The following UGT1A9 variants were observed in gnomAD, a reference collection of about 807,000 sequenced individuals.
UGT1A9 encodes the protein UDP-glucuronosyltransferase 1A9.
Under a neutral mutation model 45.0 loss-of-function variants are expected in UGT1A9, and 35 were observed. The ratio of observed to expected loss-of-function variants is 0.78; its 90% CI spans 0.59 to 1.03. UGT1A9 has a LOEUF of 1.03. Among genes scored for constraint, UGT1A9 ranks in the 50% least tolerant of loss-of-function variants. The pLI, the probability that UGT1A9 is intolerant of heterozygous loss-of-function variation, is 0.00. For synonymous variants in UGT1A9, 278 were observed against 250.6 expected, an observed-to-expected ratio of 1.11 and a Z score of -1.03; for missense variants, 687 against 666.6, an observed-to-expected ratio of 1.03 and a Z score of -0.34.
chr2:233,757,438 T>C (rs528123504), intron 1 of UGT1A9, among the ~76,000 whole-genome samples: 24 of 151,360 alleles, frequency 1.6e-4, no homozygotes, highest in African/African-American at 5.8e-4. Flanking sequence ...AAGTCACTTC[T>C]ATACAGAAAC....
intron 1 of UGT1A9, among the ~76,000 whole-genome samples, chr2:233,680,979 AG>A (rs2074504843): frequency 6.6e-6 from 1 of 152,056 alleles, no homozygotes; most frequent in Non-Finnish European, 1.5e-5. Flanking sequence ...CCATGGAGGC[AG>A]GGTTGTCAAT....
At position 233,725,275 on chromosome 2, in the gene UGT1A9, CAGAGGCAGAG is replaced by C. The variant is rs2077421204; in HGVS notation, c.856-41758_856-41749del. On this transcript the variant is annotated intron_variant, in intron 1 of 4. Coordinates refer to ENST00000354728, the MANE Select transcript of UGT1A9 (RefSeq NM_021027.3). ...GAGGCAGAGGCAGAGGAGGCAGAGG[CAGAGGCAGAG>C]GCAGAGGCAGAGGCAGAGGCAGAGG... 7.5e-5 allele frequency among the ~76,000 whole-genome samples: 2 copies of C among 26,790 alleles called. 1 individual carries two copies. Among genetic ancestry groups the C allele is most frequent in the Admixed American group, 6.8e-4 (2 of 2,920 alleles). The allele number at this position is 26,790 out of a possible 152,430, so 17.6% of individuals were successfully genotyped here.
At chr2:233,754,805 AG>A (rs755746097) in intron 1 of UGT1A9, 241 of 1,294,792 alleles carry the variant, frequency 1.9e-4, no homozygotes, top group Non-Finnish European at 2.3e-4. Context: ...TATCAAAAGA[AG>A]AAAAACCACC....
At position 233,685,535 on chromosome 2, in the gene UGT1A9, G is replaced by A. The variant is rs578097287; in HGVS notation, c.855+12746G>A. On this transcript the variant is annotated intron_variant, in intron 1 of 4. Transcript: ENST00000354728. ...GATCTATGCTTTCCCCATTGCTCTCGCATTCTGTTTTTGATCCAAATTCAA... is the reference window on the plus strand; with the variant it reads ...GATCTATGCTTTCCCCATTGCTCTCACATTCTGTTTTTGATCCAAATTCAA... Among the ~76,000 whole-genome samples the A allele has an allele frequency of 4.6e-5, 7 of 152,264 alleles. No individual in the cohort carries two copies. The East Asian group carries it at 1.2e-3, about 25-fold the overall frequency.
chr2:233,699,099 T>A (rs1370746002), intron 1 of UGT1A9, among the ~76,000 whole-genome samples: 1 of 152,204 alleles, frequency 6.6e-6, no homozygotes, highest in Non-Finnish European at 1.5e-5. Context: ...GTGCACCTCA[T>A]CACCTGCCCC....
At chr2:233,750,124 G>C (rs1694369237) in intron 1 of UGT1A9, among the ~76,000 whole-genome samples, 1 of 151,918 alleles carries the variant, frequency 6.6e-6, no homozygotes, top group South Asian at 2.1e-4. Context: ...GAAGATGTGG[G>C]AAAGTTTGGA....
At chr2:233,676,801 T>G (rs2074372040) in intron 1 of UGT1A9, among the ~76,000 whole-genome samples, 1 of 152,192 alleles carries the variant, frequency 6.6e-6, no homozygotes, top group Non-Finnish European at 1.5e-5. Flanking sequence ...CTTGTTTTCT[T>G]GCGTGTGAAT....
chr2:233,728,584 C>T (rs553325629), intron 1 of UGT1A9, among the ~76,000 whole-genome samples: 5 of 152,182 alleles, frequency 3.3e-5, no homozygotes, highest in Non-Finnish European at 7.3e-5. Flanking sequence ...GAAAAACGAC[C>T]AAAACCACAT....
At chr2:233,706,797 A>G (rs952386355) in intron 1 of UGT1A9, among the ~76,000 whole-genome samples, 9 of 152,160 alleles carry the variant, frequency 5.9e-5, no homozygotes, top group African/African-American at 1.9e-4. Context: ...CCATGCACCA[A>G]TTAGGTTGGG....
intron 1 of UGT1A9, among the ~76,000 whole-genome samples, chr2:233,711,893 G>C (rs2076203137): frequency 6.6e-6 from 1 of 152,200 alleles, no homozygotes; most frequent in South Asian, 2.1e-4. Flanking sequence ...CGAGTCTCAT[G>C]GGCGTGAGAC....
At chr2:233,712,073 A>G (rs2076213454) in intron 1 of UGT1A9, among the ~76,000 whole-genome samples, 2 of 152,256 alleles carry the variant, frequency 1.3e-5, no homozygotes, top group African/African-American at 4.8e-5. Context: ...TCAGGATGAA[A>G]TAAAGGCCTG....
chr2:233,733,931 G>A (rs1209244784), intron 1 of UGT1A9, among the ~76,000 whole-genome samples: 1 of 151,624 alleles, frequency 6.6e-6, no homozygotes, highest in Non-Finnish European at 1.5e-5. Flanking sequence ...TGAGGAAGGG[G>A]AACATCACAT....
intron 1 of UGT1A9, 61 bp from the exon 2 acceptor site, chr2:233,766,972 CT>C: frequency 6.2e-7 from 1 of 1,611,258 alleles, no homozygotes; most frequent in Non-Finnish European, 8.5e-7. Context: ...TCATAACTTA[CT>C]GTATGTAGTC....
chr2:233,699,626 T>C (rs2075516082), intron 1 of UGT1A9, among the ~76,000 whole-genome samples: 1 of 152,224 alleles, frequency 6.6e-6, no homozygotes, highest in African/African-American at 2.4e-5. Context: ...GAATGCAAGC[T>C]CAGGCCTAGA....
Position 233,767,048 on chromosome 2 carries a change from C to T in UGT1A9, c.870C>T (p.Tyr290=), listed in dbSNP as rs1206098754. Residue 290 remains tyrosine (Y), a synonymous_variant, in exon 2 of 5, where the codon TAC becomes TAT. Transcript: ENST00000354728. ...TCTGGCTCTAGGAATTTGAAGCCTACATTAATGCTTCTGGAGAACATGGAA... is the reference window on the plus strand; with the variant it reads ...TCTGGCTCTAGGAATTTGAAGCCTATATTAATGCTTCTGGAGAACATGGAA... ...GKPLPMEFEA[Y]INASGEHGIV... 1.9e-6 allele frequency: 3 copies of T among 1,614,068 alleles called. No homozygotes were observed. Among genetic ancestry groups the T allele is most frequent in the Admixed American group, 3.3e-5 (2 of 60,010 alleles).
intron 1 of UGT1A9, chr2:233,692,487 T>G: frequency 1.2e-5 from 2 of 165,804 alleles, no homozygotes; most frequent in Admixed American, 1.1e-4. Context: ...AGGGCAGTCT[T>G]GTAGGACTGA....
At chr2:233,724,057 G>C (rs1302014170) in intron 1 of UGT1A9, among the ~76,000 whole-genome samples, 9 of 86,764 alleles carry the variant, frequency 1.0e-4, no homozygotes, top group Non-Finnish European at 1.5e-4. Flanking sequence ...ACACCTCCCA[G>C]ACGGGGTGGT....
intron 1 of UGT1A9, chr2:233,719,395 C>A (rs770164749): frequency 4.0e-5 from 64 of 1,613,854 alleles, no homozygotes; most frequent in Non-Finnish European, 5.2e-5. Context: ...AATCCTTCCT[C>A]CTATATTCCT....
chr2:233,717,108 A>C (rs1447260026), intron 1 of UGT1A9, among the ~76,000 whole-genome samples: 3 of 152,264 alleles, frequency 2.0e-5, no homozygotes, highest in East Asian at 3.9e-4. Context: ...TCTAAATAAA[A>C]CACCACTACA....
Sources: allele counts gnomAD v4.1 joint callset (sites outside exome capture counted in the v4.1 genomes callset), GRCh38; gene constraint gnomAD v4.1.1; transcripts MANE v1.5; gene names NCBI Gene and HGNC (gene_info 2026-07-23, HGNC 2026-07-21).